The following COG5 variants were observed in gnomAD, a reference collection of about 807,000 sequenced individuals.
COG5 encodes the protein conserved oligomeric Golgi complex subunit 5.
Under a neutral mutation model 110.4 loss-of-function variants are expected in COG5, and 86 were observed. That is an observed-to-expected ratio of 0.78 (90% CI 0.65 to 0.93). The LOEUF (loss-of-function observed/expected upper bound fraction) is 0.93, where lower values mean the gene tolerates loss of function less well. Ranked by LOEUF, COG5 falls within the 40% of genes least tolerant of loss-of-function variation. The pLI is 0.00. For missense variants in COG5, 1,077 were observed against 987.0 expected (o/e 1.09, Z -1.22); for synonymous variants, 360 against 334.6 (o/e 1.08, Z -0.83).
At chr7:107,513,559 A>G (rs1035871221) in intron 6 of COG5, among the ~76,000 whole-genome samples, 4 of 152,248 alleles carry the variant, frequency 2.6e-5, no homozygotes, top group African/African-American at 9.6e-5. Flanking sequence ...TATATACCCA[A>G]AGGATTATAA....
At chr7:107,500,321 C>T (rs747415637) in intron 6 of COG5, among the ~76,000 whole-genome samples, 3 of 152,192 alleles carry the variant, frequency 2.0e-5, no homozygotes, top group Non-Finnish European at 4.4e-5. Flanking sequence ...AAGTGAACAA[C>T]TGAACTTCCA....
At chr7:107,394,265 A>T (rs558837032) in intron 7 of COG5, among the ~76,000 whole-genome samples, 1 of 151,596 alleles carries the variant, frequency 6.6e-6, no homozygotes. Context: ...GCCTGGCCAG[A>T]AAAGATATTT....
rs1259118175 is a variant in COG5 at position 107,372,616 on chromosome 7, G to T, written c.814C>A (p.Pro272Thr). Residue 272 changes from proline (P) to threonine (T), a missense_variant, in exon 8 of 22, where the codon CCT (proline) becomes ACT (threonine). By Grantham distance (38) the Pro-to-Thr change is conservative. Transcript: ENST00000297135. ...ATACCTCTCACAGCTGACTGGGAAG[G>T]CTGAGTCAAAACTTTTATGTCTAAT... ...SALDIKVLTQ[P>T]SQSAVRGGPG... 1 of 1,613,392 alleles carries T rather than the reference G, an allele frequency of 6.2e-7. No individual in the cohort carries two copies. Among genetic ancestry groups the T allele is most frequent in the East Asian group, 2.2e-5 (1 of 44,814 alleles).
intron 14 of COG5, among the ~76,000 whole-genome samples, chr7:107,259,143 G>GAA (rs202136075): frequency 6.8e-6 from 1 of 147,386 alleles, no homozygotes; most frequent in Non-Finnish European, 1.5e-5. Context: ...TCAAATTTAA[G>GAA]AAAAAAAAAA....
chr7:107,533,575 G>A (rs185173945), intron 5 of COG5, among the ~76,000 whole-genome samples: 15 of 151,572 alleles, frequency 9.9e-5, no homozygotes, highest in Non-Finnish European at 2.1e-4. Flanking sequence ...AGAGACTGAC[G>A]ATCAACTTAA....
chr7:107,288,365 A>G (rs1241020306), intron 12 of COG5, among the ~76,000 whole-genome samples: 1 of 152,132 alleles, frequency 6.6e-6, no homozygotes. Flanking sequence ...CAGTTTCAAG[A>G]AAAAAAGTTT....
intron 7 of COG5, among the ~76,000 whole-genome samples, chr7:107,402,266 T>A (rs1013467992): frequency 3.9e-5 from 6 of 152,152 alleles, no homozygotes; most frequent in Admixed American, 2.6e-4. Context: ...TCATGAATAC[T>A]TAGTTACTAT....
At chr7:107,499,286 G>A (rs920782396) in intron 6 of COG5, among the ~76,000 whole-genome samples, 11 of 152,116 alleles carry the variant, frequency 7.2e-5, no homozygotes, top group African/African-American at 2.7e-4. Flanking sequence ...TGTTAAGAGG[G>A]TAGATCTCAT....
intron 12 of COG5, among the ~76,000 whole-genome samples, chr7:107,292,383 C>A (rs1806247451): frequency 6.6e-6 from 1 of 152,126 alleles, no homozygotes; most frequent in Non-Finnish European, 1.5e-5. Flanking sequence ...GGCTCTGGAC[C>A]TGAGGGTGGA....
At chr7:107,540,039 C>T (rs1801864312) in intron 5 of COG5, among the ~76,000 whole-genome samples, 1 of 152,024 alleles carries the variant, frequency 6.6e-6, no homozygotes, top group African/African-American at 2.4e-5. Context: ...GATTACATTT[C>T]AAGAAAGCCA....
At chr7:107,331,969 C>T (rs111254580) in intron 10 of COG5, among the ~76,000 whole-genome samples, 4,103 of 152,058 alleles carry the variant, frequency 0.027, 191 homozygotes, top group African/African-American at 0.092. Context: ...GTGCCTCAGC[C>T]TCCTGAGTAG....
intron 10 of COG5, among the ~76,000 whole-genome samples, chr7:107,324,890 A>C (rs1029112514): frequency 6.6e-5 from 10 of 152,172 alleles, no homozygotes; most frequent in Non-Finnish European, 1.5e-4. Flanking sequence ...CAATAAACTC[A>C]ATGAATGTTA....
intron 7 of COG5, among the ~76,000 whole-genome samples, chr7:107,406,709 T>C (rs918751899): frequency 1.3e-5 from 2 of 152,190 alleles, no homozygotes; most frequent in East Asian, 1.9e-4. Context: ...CTATTGAAGA[T>C]AATATTTTGG....
chr7:107,323,574 G>A (rs1174987561), intron 11 of COG5, among the ~76,000 whole-genome samples: 1 of 152,054 alleles, frequency 6.6e-6, no homozygotes. Context: ...CAACTAAATG[G>A]AGTAAATGGA....
chr7:107,489,413 A>G lies in COG5; in HGVS notation c.538+37824T>C, dbSNP rs894500451. The stretch of plus-strand genomic sequence containing the variant: ...TTAAATTTAAAAAAGAAAGCTGTAT[A>G]GTTCACTCAGCTTCTGGTGACAAAC... On this transcript the variant is annotated intron_variant, in intron 6 of 21. Transcript: ENST00000297135. 4.0e-4 allele frequency among the ~76,000 whole-genome samples: 61 copies of G among 152,182 alleles called. 1 individual carries two copies. The highest frequency in any genetic ancestry group is 1.5e-3 in the African/African-American group (61 of 41,456).
intron 1 of COG5, among the ~76,000 whole-genome samples, chr7:107,560,534 A>C (rs1042932690): frequency 6.6e-6 from 1 of 152,234 alleles, no homozygotes; most frequent in South Asian, 2.1e-4. Context: ...CTAGACACTG[A>C]ATATACCAAG....
chr7:107,543,421 T>C (rs1173265612), intron 5 of COG5, among the ~76,000 whole-genome samples: 1 of 152,102 alleles, frequency 6.6e-6, no homozygotes, highest in Non-Finnish European at 1.5e-5. Context: ...TTGGGCAGGC[T>C]GCCCCCGCCC....
intron 3 of COG5, among the ~76,000 whole-genome samples, chr7:107,552,580 C>A (rs546340750): frequency 4.3e-4 from 66 of 152,126 alleles, no homozygotes; most frequent in African/African-American, 1.6e-3. Context: ...CAATGAGATA[C>A]CATCTCACAC....
chr7:107,356,703 A>G (rs1812652285), intron 10 of COG5, among the ~76,000 whole-genome samples: 1 of 152,166 alleles, frequency 6.6e-6, no homozygotes, highest in Non-Finnish European at 1.5e-5. Context: ...CTAGGGAAAA[A>G]AAGTATTAAT....
Sources: gnomAD v4.1 joint callset for allele counts (sites outside exome capture counted in the v4.1 genomes callset) on GRCh38, gnomAD v4.1.1 for gene constraint, MANE v1.5 for transcripts, NCBI Gene and HGNC (gene_info 2026-07-23, HGNC 2026-07-21) for gene names.